Variants in ACTR6 observed in about 807,000 individuals in gnomAD.
The protein encoded by ACTR6 is actin-related protein 6.
A neutral mutation model predicts 52.5 loss-of-function variants in ACTR6; 50 were observed. The observed-to-expected ratio is 0.95, with a 90% confidence interval of 0.76 to 1.20. ACTR6 has a LOEUF of 1.20. Ranked by LOEUF, ACTR6 falls within the 50% of genes most tolerant of loss-of-function variation. The pLI is 0.00. For missense variants in ACTR6, 344 were observed against 472.4 expected (o/e 0.73, Z 2.52); for synonymous variants, 135 against 147.2 (o/e 0.92, Z 0.60).
At chr12:100,212,950 T>C (rs2096121022) in intron 8 of ACTR6, among the ~76,000 whole-genome samples, 1 of 134,960 alleles carries the variant, frequency 7.4e-6, no homozygotes, top group Non-Finnish European at 1.5e-5. Context: ...GAGGTTGCAG[T>C]GAGCTGAGAT....
At chr12:100,211,301 G>A (rs2096119720) in intron 6 of ACTR6, among the ~76,000 whole-genome samples, 1 of 152,154 alleles carries the variant, frequency 6.6e-6, no homozygotes, top group African/African-American at 2.4e-5. Flanking sequence ...TTTTGAGACA[G>A]GGTCTTTGTC....
intron 8 of ACTR6, among the ~76,000 whole-genome samples, chr12:100,214,562 CAAA>C (rs1258155369): frequency 1.5e-5 from 1 of 64,822 alleles, no homozygotes; most frequent in Non-Finnish European, 3.5e-5. Context: ...CCTGTCTCTA[CAAA>C]AAAAAAAAAA....
chr12:100,217,162 T>C (rs968768359), intron 8 of ACTR6, among the ~76,000 whole-genome samples: 4 of 152,140 alleles, frequency 2.6e-5, no homozygotes, highest in Non-Finnish European at 5.9e-5. Context: ...GGATAATGTA[T>C]GTAATATGTT....
intron 6 of ACTR6, among the ~76,000 whole-genome samples, chr12:100,210,875 C>A (rs1044563092): frequency 6.6e-6 from 1 of 152,126 alleles, no homozygotes; most frequent in Non-Finnish European, 1.5e-5. Flanking sequence ...TCCCTTTGCT[C>A]CCCTATGTGC....
At chr12:100,223,232 T>G (rs762165813) in intron 10 of ACTR6, among the ~76,000 whole-genome samples, 4 of 152,118 alleles carry the variant, frequency 2.6e-5, no homozygotes, top group African/African-American at 4.8e-5. Context: ...TCCCAGCTAC[T>G]TCGGAGGCTG....
intron 8 of ACTR6, among the ~76,000 whole-genome samples, chr12:100,215,736 T>C (rs1185710699): frequency 6.6e-6 from 1 of 152,236 alleles, no homozygotes; most frequent in Non-Finnish European, 1.5e-5. Context: ...TGTTAAATCA[T>C]CTTAATAATT....
At chr12:100,221,526 TTAAA>T (rs1489909413) in intron 10 of ACTR6, 1 of 152,146 alleles carries the variant, frequency 6.6e-6, no homozygotes, top group Non-Finnish European at 1.5e-5. Flanking sequence ...TATTATTTTA[TTAAA>T]TAAATTTTTA....
intron 9 of ACTR6, among the ~76,000 whole-genome samples, chr12:100,219,625 G>A: frequency 6.6e-6 from 1 of 152,142 alleles, no homozygotes; most frequent in Non-Finnish European, 1.5e-5. Context: ...GTAGCTCACA[G>A]TCTCAGCCTA....
chr12:100,212,734 C>T (rs573998819), intron 8 of ACTR6, among the ~76,000 whole-genome samples: 4 of 151,896 alleles, frequency 2.6e-5, no homozygotes, highest in East Asian at 3.9e-4. Flanking sequence ...GGCCAGCCAC[C>T]GTGGCTCACA....
intron 10 of ACTR6, among the ~76,000 whole-genome samples, chr12:100,223,056 G>T (rs184386852): frequency 6.6e-6 from 1 of 152,084 alleles, no homozygotes; most frequent in South Asian, 2.1e-4. Flanking sequence ...AGTGGGAGTA[G>T]GCTGGGTGTG....
rs780952137 is a variant in ACTR6 at position 100,212,370 on chromosome 12, A to G, written c.671+16A>G. On this transcript the variant is annotated intron_variant, in intron 7 of 10. Coordinates refer to ENST00000188312, the MANE Select transcript of ACTR6 (RefSeq NM_022496.5). Reference sequence around the variant, plus strand: ...ATATTGCAAAGTATGTATAATGACAATCTAAGAATTGGAAAGTAGATTGTT... The same window carrying G: ...ATATTGCAAAGTATGTATAATGACAGTCTAAGAATTGGAAAGTAGATTGTT... The G allele has an allele frequency of 2.5e-6, 4 of 1,599,420 alleles. No individual in the cohort carries two copies. Among genetic ancestry groups the G allele is most frequent in the South Asian group, 1.1e-5 (1 of 90,550 alleles).
At chr12:100,219,330 A>G (rs1314793330) in intron 9 of ACTR6, among the ~76,000 whole-genome samples, 2 of 151,906 alleles carry the variant, frequency 1.3e-5, no homozygotes, top group Non-Finnish European at 2.9e-5. Context: ...ATATAAGGAA[A>G]CTCTGCCCTT....
intron 6 of ACTR6, among the ~76,000 whole-genome samples, 155 bp downstream of exon 6, chr12:100,210,506 G>A (rs756182256): frequency 1.1e-4 from 17 of 151,934 alleles, no homozygotes; most frequent in Non-Finnish European, 2.2e-4. Context: ...ATCACTTGAG[G>A]CCAGGAGTTC....
rs752322841 is a variant in ACTR6, at chr12:100,207,804, C to A, written c.379+18C>A. On this transcript the variant is annotated intron_variant, in intron 4 of 10. Transcript: ENST00000188312. Reference sequence around the variant, plus strand: ...AGTAAATGGTGAGTTCAAGTTTTCACTGAAATTGAGTTATATGACTATGGA... The same window carrying A: ...AGTAAATGGTGAGTTCAAGTTTTCAATGAAATTGAGTTATATGACTATGGA... 1 of 1,586,756 alleles carries A rather than the reference C, an allele frequency of 6.3e-7. No homozygotes were observed. The highest frequency in any genetic ancestry group is 8.6e-7 in the Non-Finnish European group (1 of 1,160,900).
chr12:100,209,323 A>AC (rs1164855733), intron 4 of ACTR6, among the ~76,000 whole-genome samples: 2 of 152,190 alleles, frequency 1.3e-5, no homozygotes, highest in African/African-American at 2.4e-5. Flanking sequence ...ACTTTAGGCT[A>AC]GATGGTCAAC....
chr12:100,214,393 A>C (rs2096122336), intron 8 of ACTR6, among the ~76,000 whole-genome samples: 1 of 151,964 alleles, frequency 6.6e-6, no homozygotes, highest in African/African-American at 2.4e-5. Context: ...GAGTTCAGAG[A>C]CTACTTGGGG....
chr12:100,219,158 AT>A (rs1164616606), intron 9 of ACTR6, among the ~76,000 whole-genome samples: 1 of 135,360 alleles, frequency 7.4e-6, no homozygotes, highest in African/African-American at 3.1e-5. Context: ...CTTTCCTCTC[AT>A]TAAAAAAAAA....
Position 100,224,002 on chromosome 12 carries a change from T to A in ACTR6, c.*87T>A, listed in dbSNP as rs968612235. 7.7e-6 allele frequency: 11 copies of A among 1,437,788 alleles called. No homozygotes were observed. In the African/African-American group the frequency reaches 1.4e-4, roughly 19 times the overall value. 89.1% of individuals were successfully genotyped at this position (1,437,788 alleles called of 1,614,324 possible). On this transcript the variant is annotated 3_prime_UTR_variant, in exon 11 of 11. Coordinates refer to ENST00000188312, the MANE Select transcript of ACTR6 (RefSeq NM_022496.5). ...GGTTAAGGAACTGTGTTACCTTTTG[T>A]CCTAAGAAAAAGGCTTGAATTTATG...
chr12:100,215,744 AT>A (rs1485035149), intron 8 of ACTR6, among the ~76,000 whole-genome samples: 3 of 152,156 alleles, frequency 2.0e-5, no homozygotes, highest in Non-Finnish European at 4.4e-5. Flanking sequence ...CATCTTAATA[AT>A]TTTTTAAAGA....
Sources: allele counts gnomAD v4.1 joint callset (sites outside exome capture counted in the v4.1 genomes callset), GRCh38; gene constraint gnomAD v4.1.1; transcripts MANE v1.5; gene names NCBI Gene and HGNC (gene_info 2026-07-23, HGNC 2026-07-21).